EFCAB12: variants seen among roughly 807,000 people sequenced by gnomAD.
EFCAB12 encodes EF-hand calcium-binding domain-containing protein 12.
EFCAB12 carries 43 observed loss-of-function variants against 53.6 expected under a neutral mutation model. That is an observed-to-expected ratio of 0.80 (90% CI 0.63 to 1.03). EFCAB12 has a LOEUF of 1.03. EFCAB12 is among the 50% of genes least tolerant of loss of function. EFCAB12 has a pLI of 0.00. For synonymous variants in EFCAB12, 269 were observed against 289.2 expected (o/e 0.93, Z 0.71); for missense variants, 646 against 730.6 (o/e 0.88, Z 1.34).
intron 5 of EFCAB12, among the ~76,000 whole-genome samples, chr3:129,410,218 C>T (rs2072017850): frequency 6.6e-6 from 1 of 151,604 alleles, no homozygotes; most frequent in African/African-American, 2.4e-5. Flanking sequence ...CTGTGTTGCC[C>T]AGGCTGGTCT....
Position 129,411,154 on chromosome 3 carries a change from G to T in EFCAB12, c.1035+4C>A. ...CGCATGCTCTCCTTGGGCTGGCGAG[G>T]TACCTTGTGCTGTCGCTGCCGCTCG... On this transcript the variant is annotated splice_donor_region_variant and intron_variant, in intron 5 of 8. Transcript: ENST00000505956. The T allele has an allele frequency of 1.3e-6, 2 of 1,567,384 alleles. No individual in the cohort carries two copies. The highest frequency in any genetic ancestry group is 1.7e-6 in the Non-Finnish European group (2 of 1,157,054).
In EFCAB12 at chr3:129,417,337, A is replaced by C. The variant is rs1180394232; in HGVS notation, c.681+917T>G. Among the ~76,000 whole-genome samples, 142 of 137,704 alleles carry C rather than the reference A, an allele frequency of 1.0e-3. 2 individuals carry two copies. Among genetic ancestry groups the C allele is most frequent in the African/African-American group, 4.0e-3 (136 of 33,654 alleles). The allele number at this position is 137,704 out of a possible 152,430, so 90.3% of individuals were successfully genotyped here. A position where few individuals can be genotyped will look rare whatever the true frequency, so the allele number is the denominator to read the frequency against. On this transcript the variant is annotated intron_variant, in intron 3 of 8. Coordinates refer to ENST00000505956, the MANE Select transcript of EFCAB12 (RefSeq NM_207307.3). ...AGACTCTGCCTCAAAAAAAAAAAAA[A>C]AACCAAAAAAAAAAAACCCAAAACC...
chr3:129,418,226 C>T, intron 3 of EFCAB12, 28 bp downstream of exon 3: 1 of 1,581,946 alleles, frequency 6.3e-7, no homozygotes, highest in Non-Finnish European at 8.6e-7. Context: ...CCACTTAGGC[C>T]CATCCAGAGA....
intron 8 of EFCAB12, among the ~76,000 whole-genome samples, chr3:129,402,175 G>A (rs2071881107): frequency 1.3e-5 from 2 of 152,234 alleles, no homozygotes; most frequent in Non-Finnish European, 2.9e-5. Context: ...GGTGTTTGGA[G>A]TACGGCCCCT....
intron 1 of EFCAB12, among the ~76,000 whole-genome samples, chr3:129,424,829 T>C (rs900042189): frequency 9.9e-5 from 15 of 152,216 alleles, no homozygotes; most frequent in African/African-American, 2.7e-4. Flanking sequence ...GTGGTTCACC[T>C]GTTCTCAGTC....
rs750175669 is a variant in EFCAB12, at chr3:129,411,290, T to C, written c.903A>G (p.Ser301=). Residue 301 remains serine, a synonymous_variant, in exon 5 of 9, where the codon TCA becomes TCG. Coordinates refer to ENST00000505956, the MANE Select transcript of EFCAB12 (RefSeq NM_207307.3). ...GGTCCACTTTGGGAAGCTGTGGGGC[T>C]GAATCCACCTCCTGCTTCTTGAGCG... ...KGPLKKQEVD[S]APQLPKVDLL... 5.6e-6 allele frequency: 9 copies of C among 1,612,008 alleles called. No homozygotes were observed. Among genetic ancestry groups the C allele is most frequent in the Non-Finnish European group, 7.6e-6 (9 of 1,178,562 alleles).
chr3:129,405,227 C>G (rs969312155), intron 6 of EFCAB12, among the ~76,000 whole-genome samples: 2 of 152,196 alleles, frequency 1.3e-5, no homozygotes, highest in Non-Finnish European at 2.9e-5. Flanking sequence ...GAGCCAGGGT[C>G]TCCACCTTCT....
chr3:129,417,323 C>CAAAAA (rs530043934), intron 3 of EFCAB12, among the ~76,000 whole-genome samples: 2 of 21,426 alleles, frequency 9.3e-5, no homozygotes, highest in Non-Finnish European at 1.4e-4. Flanking sequence ...GACTCTGCCT[C>CAAAAA]AAAAAAAAAA....
chr3:129,419,748 C>CA (rs985650611), intron 2 of EFCAB12, among the ~76,000 whole-genome samples: 17 of 151,656 alleles, frequency 1.1e-4, no homozygotes, highest in Non-Finnish European at 2.2e-4. Flanking sequence ...GACTGTGAGC[C>CA]AAAAAAAACT....
chr3:129,421,315 T>G, intron 2 of EFCAB12, 52 bp downstream of exon 2: 1 of 1,508,306 alleles, frequency 6.6e-7, no homozygotes, highest in Non-Finnish European at 8.9e-7. Flanking sequence ...AATAAAATAA[T>G]GATGCATCCC....
intron 4 of EFCAB12, chr3:129,414,648 C>T (rs1268407455): frequency 3.3e-5 from 5 of 152,210 alleles, no homozygotes. Context: ...AGTAAATTCA[C>T]AGCCAGAGCT....
At chr3:129,427,927 T>G (rs994696412) in intron 1 of EFCAB12, among the ~76,000 whole-genome samples, 1 of 152,176 alleles carries the variant, frequency 6.6e-6, no homozygotes, top group African/African-American at 2.4e-5. Context: ...GGAGAACTCC[T>G]TTTTATCCTT....
At chr3:129,427,062 T>C (rs966265423) in intron 1 of EFCAB12, among the ~76,000 whole-genome samples, 1 of 151,824 alleles carries the variant, frequency 6.6e-6, no homozygotes, top group South Asian at 2.1e-4. Flanking sequence ...TTAGCCAGGA[T>C]GGTCTTGATC....
At position 129,401,655 on chromosome 3, in the gene EFCAB12, T is replaced by C; in HGVS notation, c.1657A>G (p.Arg553Gly). ...TYHPDHWWPL[R>G]NKNYMTHAHY... is the part of the protein sequence containing the mutation. ...GCGTGGGTCATGTAGTTCTTGTTCC[T>C]AAGGGGCCACCAGTGGTCAGGGTGG... The change falls in exon 9 of 9, where the codon AGG (arginine) becomes GGG (glycine). Residue 553 changes from arginine (R) to glycine (G), a missense_variant. By Grantham distance (125) the Arg-to-Gly change is moderately radical (BLOSUM62 -2). Transcript: ENST00000505956. 1 of 1,585,678 alleles carries C rather than the reference T, an allele frequency of 6.3e-7. No homozygotes were observed. Among genetic ancestry groups the C allele is most frequent in the Non-Finnish European group, 8.6e-7 (1 of 1,165,702 alleles).
At position 129,418,455 on chromosome 3, in the gene EFCAB12, G is replaced by T. The variant is rs762335443; in HGVS notation, c.487-7C>A. 1.3e-6 allele frequency: 2 copies of T among 1,596,858 alleles called. No homozygotes were observed. Among genetic ancestry groups the T allele is most frequent in the Non-Finnish European group, 1.7e-6 (2 of 1,171,648 alleles). ...AGAGCCTGGGGGCTTTCTTCTGGAAGAGGTGAGAGGGTAGGGCAGAGGAGA... is the reference window on the plus strand; with the variant it reads ...AGAGCCTGGGGGCTTTCTTCTGGAATAGGTGAGAGGGTAGGGCAGAGGAGA... On this transcript the variant is annotated splice_region_variant and splice_polypyrimidine_tract_variant and intron_variant, in intron 2 of 8. Transcript: ENST00000505956.
At chr3:129,414,580 C>G (rs1385289669) in intron 4 of EFCAB12, 1 of 152,188 alleles carries the variant, frequency 6.6e-6, no homozygotes, top group Non-Finnish European at 1.5e-5. Context: ...TGTTTGTTTA[C>G]TACAAGAATG....
rs767459679 is a variant in EFCAB12 at position 129,411,289 on chromosome 3, C to A, written c.904G>T (p.Ala302Ser). ...AGGTCCACTTTGGGAAGCTGTGGGG[C>A]TGAATCCACCTCCTGCTTCTTGAGC... ...GPLKKQEVDS[A>S]PQLPKVDLLT... is the part of the protein sequence containing the mutation. The change falls in exon 5 of 9, where the codon GCC becomes TCC. Residue 302 changes from alanine to serine, a missense_variant. Coordinates refer to ENST00000505956, the MANE Select transcript of EFCAB12 (RefSeq NM_207307.3). 1.2e-6 allele frequency: 2 copies of A among 1,612,206 alleles called. No homozygotes were observed. The highest frequency in any genetic ancestry group is 8.5e-7 in the Non-Finnish European group (1 of 1,178,680).
chr3:129,419,004 G>C (rs1255347536), intron 2 of EFCAB12, among the ~76,000 whole-genome samples: 2 of 152,102 alleles, frequency 1.3e-5, no homozygotes, highest in Non-Finnish European at 2.9e-5. Flanking sequence ...TTGTTCCTCT[G>C]TGCTCCTCCC....
chr3:129,424,321 G>T (rs1471895978), intron 1 of EFCAB12, among the ~76,000 whole-genome samples: 1 of 152,220 alleles, frequency 6.6e-6, no homozygotes, highest in Non-Finnish European at 1.5e-5. Flanking sequence ...AATCCCCATT[G>T]TTGGAGGAGG....
Sources: allele counts gnomAD v4.1 joint callset (sites outside exome capture counted in the v4.1 genomes callset), GRCh38; gene constraint gnomAD v4.1.1; transcripts MANE v1.5; gene names NCBI Gene and HGNC (gene_info 2026-07-23, HGNC 2026-07-21).